Variants in SLC10A1 observed in about 807,000 individuals in gnomAD.
SLC10A1 encodes the protein solute carrier family 10 member 1.
Under a neutral mutation model 20.5 loss-of-function variants are expected in SLC10A1, and 36 were observed. The ratio of observed to expected loss-of-function variants is 1.75; its 90% CI spans 1.34 to 2.32. The LOEUF (loss-of-function observed/expected upper bound fraction) is 2.32. Among genes scored for constraint, SLC10A1 ranks in the 30% most tolerant of loss-of-function variants. SLC10A1 has a pLI of 0.00. For missense variants in SLC10A1, 545 were observed against 439.1 expected, an observed-to-expected ratio of 1.24 and a Z score of -2.16; for synonymous variants, 188 against 163.6, an observed-to-expected ratio of 1.15 and a Z score of -1.14.
At chr14:69,778,677 C>T (rs972336153) in intron 3 of SLC10A1, 148 bp from the exon 4 acceptor site, 6 of 628,656 alleles carry the variant, frequency 9.5e-6, no homozygotes, top group African/African-American at 7.4e-5. Flanking sequence ...GTTTGGATAC[C>T]TTTGGTGTCT....
Position 69,779,188 on chromosome 14 carries a change from T to C in SLC10A1, c.740A>G (p.Asn247Ser), listed in dbSNP as rs761968284. The C allele has an allele frequency of 1.9e-6, 3 of 1,584,866 alleles. No individual in the cohort carries two copies. The highest frequency in any genetic ancestry group is 2.8e-5 in the African/African-American group (2 of 72,478). The change falls in exon 3 of 5, where the codon AAT (asparagine) becomes AGT (serine). Residue 247 changes from asparagine (N) to serine (S), a missense_variant. By Grantham distance (46) the Asn-to-Ser change is conservative (BLOSUM62 1). Coordinates refer to ENST00000216540, the MANE Select transcript of SLC10A1 (RefSeq NM_003049.4). ...AAAAAAAAAAAATACCTACCGTCCA[T>C]TGAGGCAGAAGAGAGCAGAGAGAAC... is the stretch of plus-strand genomic sequence containing the variant. ...GYVLSALFCL[N>S]GRCRRTVSME...
At chr14:69,795,059 C>G (rs1427553940) in intron 1 of SLC10A1, among the ~76,000 whole-genome samples, 3 of 152,184 alleles carry the variant, frequency 2.0e-5, no homozygotes, top group African/African-American at 7.2e-5. Context: ...AGGCCCCTGA[C>G]TTCTGCATCC....
rs1882353153 is a variant in SLC10A1, at chr14:69,794,750, GCT to G, written c.356+2048_356+2049del. On this transcript the variant is annotated intron_variant, in intron 1 of 4. Transcript: ENST00000216540. ...GGAAGGAGTTTTATGGCAGAAGGTG[GCT>G]GTCCCAGCAGAGCTTATCTCTTGTG... is the stretch of plus-strand genomic sequence containing the variant. 1.3e-5 allele frequency among the ~76,000 whole-genome samples: 2 copies of G among 152,150 alleles called. 1 individual carries two copies. The highest frequency in any genetic ancestry group is 4.1e-4 in the South Asian group (2 of 4,832).
Position 69,797,174 on chromosome 14 carries a change from A to G in SLC10A1, c.-19T>C. On this transcript the variant is annotated 5_prime_UTR_variant, in exon 1 of 5. Transcript: ENST00000216540. ...CCTCCATCCTCCTGTGAGGCAGTGG[A>G]AGACCACTCCTTGTTCTCCGGCTGA... The G allele has an allele frequency of 6.3e-7, 1 of 1,586,154 alleles. No homozygotes were observed. The highest frequency in any genetic ancestry group is 8.6e-7 in the Non-Finnish European group (1 of 1,163,670).
In SLC10A1 at chr14:69,779,643, G is replaced by C. The variant is rs73285210; in HGVS notation, c.568-283C>G. Among the ~76,000 whole-genome samples, 763 of 152,300 alleles carry C rather than the reference G, an allele frequency of 5.0e-3. 5 individuals carry two copies. The highest frequency in any genetic ancestry group is 0.018 in the African/African-American group (730 of 41,558). ...GCCTTCCAAAGTGCTGGGATTACAG[G>C]TGTGAGCCACTGCACCCAGCCCATC... On this transcript the variant is annotated intron_variant, in intron 2 of 4. Transcript: ENST00000216540.
In SLC10A1 at chr14:69,797,135, A is replaced by G; in HGVS notation, c.21T>C (p.Ser7=). The G allele has an allele frequency of 1.2e-6, 2 of 1,611,744 alleles. No individual in the cohort carries two copies. Among genetic ancestry groups the G allele is most frequent in the Non-Finnish European group, 1.7e-6 (2 of 1,178,598 alleles). MEAHNA[S]APFNFTLPPN... ...GTGGCAGGGTGAAGTTGAATGGGGC[A>G]GACGCGTTGTGGGCCTCCATCCTCC... Residue 7 remains serine, a synonymous_variant, in exon 1 of 5, where the codon TCT becomes TCC. Coordinates refer to ENST00000216540, the MANE Select transcript of SLC10A1 (RefSeq NM_003049.4).
Position 69,778,319 on chromosome 14 carries a change from A to C in SLC10A1, c.943+14T>G. 6.4e-7 allele frequency: 1 copy of C among 1,563,244 alleles called. No homozygotes were observed. The highest frequency in any genetic ancestry group is 8.6e-7 in the Non-Finnish European group (1 of 1,157,126). Reference sequence around the variant, plus strand: ...TGGAGCAGAACTTGAAGTGGGGATAATTTCAGTACTCACCCTTGGGAGTCT... The same window carrying C: ...TGGAGCAGAACTTGAAGTGGGGATACTTTCAGTACTCACCCTTGGGAGTCT... On this transcript the variant is annotated intron_variant, in intron 4 of 4. Coordinates refer to ENST00000216540, the MANE Select transcript of SLC10A1 (RefSeq NM_003049.4).
chr14:69,786,057 A>T (rs776063535), intron 2 of SLC10A1, 40 bp downstream of exon 2: 2 of 1,431,710 alleles, frequency 1.4e-6, no homozygotes, highest in Non-Finnish European at 2.0e-6. Flanking sequence ...TGGTGTTTTT[A>T]CTCTTTTGCC....
At chr14:69,776,870 G>A (rs919449824) in intron 4 of SLC10A1, among the ~76,000 whole-genome samples, 2 of 152,192 alleles carry the variant, frequency 1.3e-5, no homozygotes, top group Non-Finnish European at 2.9e-5. Flanking sequence ...ACAGATGGGA[G>A]AGTTCTCTAT....
At position 69,779,334 on chromosome 14, in the gene SLC10A1, G is replaced by A; in HGVS notation, c.594C>T (p.Cys198=). ...CAGAGAGAACTGTGACGGCCACACTGCACAAGAGAATGATGATCATCCCTC... is the reference window on the plus strand; with the variant it reads ...CAGAGAGAACTGTGACGGCCACACTACACAAGAGAATGATGATCATCCCTC... ...IKGGMIIILL[C]SVAVTVLSAI... is the part of the protein sequence containing the mutation. The change falls in exon 3 of 5, where the codon TGC becomes TGT. Residue 198 remains cysteine, a synonymous_variant. Transcript: ENST00000216540. 6.2e-7 allele frequency: 1 copy of A among 1,613,216 alleles called. No homozygotes were observed. The highest frequency in any genetic ancestry group is 8.5e-7 in the Non-Finnish European group (1 of 1,179,442).
chr14:69,778,381 G>A lies in SLC10A1; in HGVS notation c.895C>T (p.Leu299Phe). Residue 299 changes from leucine (L) to phenylalanine (F), a missense_variant, in exon 4 of 5, where the codon CTC becomes TTC. By Grantham distance (22) the Leu-to-Phe change is conservative. Coordinates refer to ENST00000216540, the MANE Select transcript of SLC10A1 (RefSeq NM_003049.4). ...TAGCACCAAAATATGGCAATGAGGA[G>A]AAGCCCTTCTCCAAGCTGGAAAATC... ...YMIFQLGEGL[L>F]LIAIFWCYEK... is the part of the protein sequence containing the mutation. 1.2e-6 allele frequency: 2 copies of A among 1,613,570 alleles called. No individual in the cohort carries two copies. Among genetic ancestry groups the A allele is most frequent in the South Asian group, 2.2e-5 (2 of 91,038 alleles).
At chr14:69,794,053 G>A (rs1376804960) in intron 1 of SLC10A1, among the ~76,000 whole-genome samples, 1 of 152,088 alleles carries the variant, frequency 6.6e-6, no homozygotes, top group Non-Finnish European at 1.5e-5. Context: ...CAAACTCTGG[G>A]AAACCTCTGG....
chr14:69,794,045 A>C (rs1234667572), intron 1 of SLC10A1, among the ~76,000 whole-genome samples: 1 of 152,044 alleles, frequency 6.6e-6, no homozygotes, highest in African/African-American at 2.4e-5. Flanking sequence ...GTTTCCCACA[A>C]ACTCTGGGAA....
chr14:69,782,823 A>G (rs988598330), intron 2 of SLC10A1, among the ~76,000 whole-genome samples: 7 of 151,856 alleles, frequency 4.6e-5, no homozygotes, highest in African/African-American at 1.7e-4. Context: ...AAAAAAAAAA[A>G]AAGGGTCTGA....
At position 69,786,201 on chromosome 14, in the gene SLC10A1, G is replaced by C; in HGVS notation, c.463C>G (p.Pro155Ala). The C allele has an allele frequency of 6.2e-7, 1 of 1,613,970 alleles. No homozygotes were observed. Among genetic ancestry groups the C allele is most frequent in the Non-Finnish European group, 8.5e-7 (1 of 1,179,916 alleles). Residue 155 changes from proline to alanine, a missense_variant, in exon 2 of 5, where the codon CCC (proline) becomes GCC (alanine). Transcript: ENST00000216540. ...AGTGATATCACGATGCCTTTATAGG[G>C]CACCTTGTCCTTCAGGTCCCCATCA... The part of the protein sequence containing the change: ...IYDGDLKDKV[P>A]YKGIVISLVL...
chr14:69,786,075 G>T (rs763975298), intron 2 of SLC10A1, 22 bp downstream of exon 2: 2 of 1,598,020 alleles, frequency 1.3e-6, no homozygotes, highest in Non-Finnish European at 1.7e-6. Flanking sequence ...GCCCTAATTT[G>T]TCAAGCCTCC....
chr14:69,779,121 A>T, intron 3 of SLC10A1, 61 bp downstream of exon 3: 1 of 1,276,060 alleles, frequency 7.8e-7, no homozygotes. Context: ...AGAATGTGCT[A>T]CTCCCCTCCA....
chr14:69,780,753 A>G (rs1883572859), intron 2 of SLC10A1, among the ~76,000 whole-genome samples: 1 of 152,360 alleles, frequency 6.6e-6, no homozygotes, highest in Middle Eastern at 3.4e-3. Flanking sequence ...ATGTGCTTCA[A>G]GTTTTATTAA....
chr14:69,786,220 C>A lies in SLC10A1; in HGVS notation c.444G>T (p.Gly148=). 2 of 1,613,966 alleles carry A rather than the reference C, an allele frequency of 1.2e-6. No individual in the cohort carries two copies. The highest frequency in any genetic ancestry group is 1.7e-6 in the Non-Finnish European group (2 of 1,179,982). ...LYIYSRGIYD[G]DLKDKVPYKG... ...TATAGGGCACCTTGTCCTTCAGGTCCCCATCATAGATCCCCCTGGAGTAGA... is the reference window on the plus strand; with the variant it reads ...TATAGGGCACCTTGTCCTTCAGGTCACCATCATAGATCCCCCTGGAGTAGA... Residue 148 remains glycine, a synonymous_variant, in exon 2 of 5, where the codon GGG becomes GGT. Coordinates refer to ENST00000216540, the MANE Select transcript of SLC10A1 (RefSeq NM_003049.4).
Sources: allele counts gnomAD v4.1 joint callset (sites outside exome capture counted in the v4.1 genomes callset), GRCh38; gene constraint gnomAD v4.1.1; transcripts MANE v1.5; gene names NCBI Gene and HGNC (gene_info 2026-07-23, HGNC 2026-07-21).